Variants in SHQ1 observed in about 807,000 individuals in gnomAD.
SHQ1 encodes SHQ1, H/ACA ribonucleoprotein assembly factor.
Under a neutral mutation model 53.8 loss-of-function variants are expected in SHQ1, and 49 were observed. The ratio of observed to expected loss-of-function variants is 0.91; its 90% CI spans 0.72 to 1.16. SHQ1 has a LOEUF of 1.16. SHQ1 is among the 50% of genes most tolerant of loss of function. The pLI is 0.00. For missense variants in SHQ1, 738 were observed against 683.1 expected, an observed-to-expected ratio of 1.08 and a Z score of -0.90; for synonymous variants, 243 against 251.0, an observed-to-expected ratio of 0.97 and a Z score of 0.30.
intron 5 of SHQ1, among the ~76,000 whole-genome samples, chr3:72,828,071 G>C (rs1268750982): frequency 6.6e-6 from 1 of 151,998 alleles, no homozygotes; most frequent in Non-Finnish European, 1.5e-5. Context: ...AGACTTTCAA[G>C]GTCACTAATT....
intron 9 of SHQ1, among the ~76,000 whole-genome samples, chr3:72,799,680 T>C (rs1384759533): frequency 6.6e-6 from 1 of 152,212 alleles, no homozygotes; most frequent in Non-Finnish European, 1.5e-5. Flanking sequence ...AAGCAATGAA[T>C]TACTATTTTG....
intron 10 of SHQ1, among the ~76,000 whole-genome samples, chr3:72,758,847 G>A (rs762805765): frequency 6.6e-6 from 1 of 152,156 alleles, no homozygotes; most frequent in African/African-American, 2.4e-5. Flanking sequence ...GATTACAGGC[G>A]TGAGCCACCG....
chr3:72,841,293 C>T (rs1431143020), intron 3 of SHQ1, 94 bp from the exon 4 acceptor site: 3 of 919,728 alleles, frequency 3.3e-6, no homozygotes, highest in South Asian at 1.9e-5. Context: ...CAAAGATGTA[C>T]CAAAAGACAT....
the SHQ1 span, among the ~76,000 whole-genome samples, chr3:72,742,993 T>C: frequency 6.6e-6 from 1 of 152,210 alleles, no homozygotes; most frequent in Non-Finnish European, 1.5e-5. Flanking sequence ...TTATTCTAAA[T>C]ACTATCCTTC....
chr3:72,845,086 T>C (rs1039387765), intron 1 of SHQ1, among the ~76,000 whole-genome samples: 3 of 149,612 alleles, frequency 2.0e-5, no homozygotes, highest in African/African-American at 7.4e-5. Flanking sequence ...CAAAACCAAT[T>C]GATTTTATCA....
intron 10 of SHQ1, among the ~76,000 whole-genome samples, chr3:72,751,086 C>A (rs576648730): frequency 2.0e-4 from 31 of 152,240 alleles, no homozygotes; most frequent in Admixed American, 1.1e-3. Flanking sequence ...AATTCAGAAG[C>A]CACAAAAGAC....
downstream of SHQ1, among the ~76,000 whole-genome samples, chr3:72,748,329 C>CAAAAAAAAAAAAAAAAA (rs572927520): frequency 8.5e-5 from 5 of 58,760 alleles, no homozygotes; most frequent in African/African-American, 1.3e-4. Flanking sequence ...ATGAGGCATG[C>CAAAAAAAAAAAAAAAAA]AAAAAAAAAA....
rs1705318929 is a variant in SHQ1 at position 72,749,488 on chromosome 3, T to A, written c.*796A>T. 4.6e-6 allele frequency: 1 copy of A among 216,782 alleles called. No homozygotes were observed. Among genetic ancestry groups the A allele is most frequent in the Admixed American group, 5.8e-5 (1 of 17,208 alleles). The allele number at this position is 216,782 out of a possible 1,614,324, so 13.4% of individuals were successfully genotyped here. A position where few individuals can be genotyped will look rare whatever the true frequency, so the allele number is the denominator to read the frequency against. On this transcript the variant is annotated 3_prime_UTR_variant, in exon 11 of 11. Transcript: ENST00000325599. The stretch of plus-strand genomic sequence containing the variant: ...AAAATATGCCTGACCAAAAAAGGGA[T>A]ACATATTGTATGATTCAATTTACAT...
At chr3:72,824,397 C>A (rs1445484937) in intron 6 of SHQ1, 27 bp downstream of exon 6, 3 of 1,608,240 alleles carry the variant, frequency 1.9e-6, no homozygotes, top group Non-Finnish European at 2.5e-6. Flanking sequence ...TAAAATGAAA[C>A]AAATTAGCCG....
At chr3:72,827,331 C>T (rs565990162) in intron 5 of SHQ1, among the ~76,000 whole-genome samples, 21 of 152,112 alleles carry the variant, frequency 1.4e-4, no homozygotes, top group Admixed American at 1.4e-3. Flanking sequence ...GAGTCATAAG[C>T]ATTTAAACCA....
At chr3:72,793,437 G>A (rs1398656001) in intron 9 of SHQ1, 1 of 152,148 alleles carries the variant, frequency 6.6e-6, no homozygotes, top group Non-Finnish European at 1.5e-5. Context: ...AACTGGGGAG[G>A]TGGAGCTTGC....
intron 10 of SHQ1, among the ~76,000 whole-genome samples, chr3:72,754,359 G>C (rs1409116826): frequency 6.6e-6 from 1 of 151,450 alleles, no homozygotes; most frequent in Non-Finnish European, 1.5e-5. Flanking sequence ...GCTCTGCAAA[G>C]TGTTCTTCTC....
chr3:72,732,380 GCCTGCCTGCCTTCCTT>G, the SHQ1 span, among the ~76,000 whole-genome samples: 174 of 95,694 alleles, frequency 1.8e-3, 3 homozygotes, highest in African/African-American at 7.4e-3. Context: ...CTGCCTGCCT[GCCTGCCTGCCTTCCTT>G]CCTTCCTTCC....
chr3:72,772,399 C>A, intron 10 of SHQ1: 1 of 345,140 alleles, frequency 2.9e-6, no homozygotes, highest in Non-Finnish European at 5.6e-6. Context: ...TTTTGTCCTG[C>A]AGGCAAACCA....
At chr3:72,844,480 C>T (rs1311709833) in intron 1 of SHQ1, 57 bp from the exon 2 acceptor site, 1 of 1,313,546 alleles carries the variant, frequency 7.6e-7, no homozygotes, top group Admixed American at 1.7e-5. Flanking sequence ...ACATAAGTGG[C>T]CATCAATACT....
intron 10 of SHQ1, chr3:72,773,221 T>A: frequency 2.8e-6 from 2 of 710,156 alleles, no homozygotes; most frequent in East Asian, 2.6e-5. Flanking sequence ...GAGATAAACA[T>A]CTTCAACGAG....
At chr3:72,726,408 A>G in the SHQ1 span, among the ~76,000 whole-genome samples, 2 of 151,962 alleles carry the variant, frequency 1.3e-5, no homozygotes, top group Non-Finnish European at 2.9e-5. Flanking sequence ...TGAGATCAGC[A>G]ATGGCGTGAT....
At chr3:72,834,213 G>C (rs1707923887) in intron 4 of SHQ1, among the ~76,000 whole-genome samples, 1 of 152,132 alleles carries the variant, frequency 6.6e-6, no homozygotes, top group African/African-American at 2.4e-5. Context: ...ATAATAAAAA[G>C]GGTCCAGAGA....
At chr3:72,785,958 C>T (rs1393133561) in intron 10 of SHQ1, among the ~76,000 whole-genome samples, 1 of 152,158 alleles carries the variant, frequency 6.6e-6, no homozygotes, top group Non-Finnish European at 1.5e-5. Context: ...TCAACATTTC[C>T]AAAACTGAAC....
Sources: allele counts gnomAD v4.1 joint callset (sites outside exome capture counted in the v4.1 genomes callset), GRCh38; gene constraint gnomAD v4.1.1; transcripts MANE v1.5; gene names NCBI Gene and HGNC (gene_info 2026-07-23, HGNC 2026-07-21).